Variants in SATB1 observed in about 807,000 individuals in gnomAD.
SATB1 encodes the protein DNA-binding protein SATB1.
In SATB1, 11 loss-of-function variants were observed where a neutral mutation model predicts 86.9. That is an observed-to-expected ratio of 0.13 (90% CI 0.08 to 0.21). The LOEUF (loss-of-function observed/expected upper bound fraction) is 0.21. SATB1 is among the 10% of genes least tolerant of loss of function. The probability of loss-of-function intolerance (pLI) is 1.00; values close to 1 mark genes in which losing one functional copy is unlikely to be tolerated. For synonymous variants in SATB1, 357 were observed against 357.2 expected (o/e 1.00, Z 0.01); for missense variants, 551 against 937.6 (o/e 0.59, Z 5.39).
chr3:18,417,552 A>G, intron 2 of SATB1: 2 of 632,324 alleles, frequency 3.2e-6, no homozygotes, highest in Non-Finnish European at 5.6e-6. Context: ...ATTATCTTCG[A>G]CCACGAAATT....
intron 5 of SATB1, among the ~76,000 whole-genome samples, chr3:18,401,421 C>T (rs966809935): frequency 1.3e-5 from 2 of 151,980 alleles, no homozygotes; most frequent in Non-Finnish European, 2.9e-5. Flanking sequence ...AAAATACATC[C>T]ACACAGATGT....
intron 8 of SATB1, among the ~76,000 whole-genome samples, chr3:18,380,621 A>C (rs1696004826): frequency 6.6e-6 from 1 of 152,154 alleles, no homozygotes; most frequent in African/African-American, 2.4e-5. Flanking sequence ...GTATCTCTGT[A>C]CTACTCATTT....
intron 5 of SATB1, among the ~76,000 whole-genome samples, chr3:18,405,437 T>A (rs1697477275): frequency 6.6e-6 from 1 of 151,942 alleles, no homozygotes; most frequent in Non-Finnish European, 1.5e-5. Flanking sequence ...AAAAAACCCT[T>A]AAACCACAGA....
Position 18,386,706 on chromosome 3 carries a change from T to TGAAC in SATB1, c.1207-99_1207-96dup. On this transcript the variant is annotated intron_variant, in intron 7 of 10. Coordinates refer to ENST00000338745, the MANE Select transcript of SATB1 (RefSeq NM_002971.6). The surrounding 1 kb of genome is among the most constrained non-coding windows in gnomAD (Gnocchi z 4.5). ...TTTCTTCTCCACTCTGTTTAGAAAA[T>TGAAC]GAACAGTCAGAGGCATTAATTCTGC... is the stretch of plus-strand genomic sequence containing the variant. 1 of 988,520 alleles carries TGAAC rather than the reference T, an allele frequency of 1.0e-6. No individual in the cohort carries two copies. The highest frequency in any genetic ancestry group is 1.6e-6 in the Non-Finnish European group (1 of 635,592). The allele number at this position is 988,520 out of a possible 1,614,324, so 61.2% of individuals were successfully genotyped here.
chr3:18,412,319 G>A (rs1697892539), intron 5 of SATB1, among the ~76,000 whole-genome samples: 1 of 152,028 alleles, frequency 6.6e-6, no homozygotes, highest in Admixed American at 6.6e-5. Context: ...CGTCCTAAGA[G>A]CATTGGAGGC....
upstream of SATB1, among the ~76,000 whole-genome samples, chr3:18,426,326 A>C (rs2125187705): frequency 6.6e-6 from 1 of 152,374 alleles, no homozygotes; most frequent in South Asian, 2.1e-4. This position sits in a 1 kb window ranked among gnomAD's most constrained non-coding sequence, Gnocchi z 4.2. Context: ...TACGTGGCCG[A>C]GTTAAACAAA....
intron 7 of SATB1, among the ~76,000 whole-genome samples, chr3:18,392,582 C>CACATATATATACACATATATAT (rs1696737025): frequency 1.3e-5 from 2 of 148,720 alleles, no homozygotes; most frequent in Non-Finnish European, 3.0e-5. Context: ...CATACACACA[C>CACATATATATACACATATATAT]ACATATATAT....
At chr3:18,387,576 G>A (rs568442146) in intron 7 of SATB1, among the ~76,000 whole-genome samples, 1 of 152,236 alleles carries the variant, frequency 6.6e-6, no homozygotes, top group Admixed American at 6.5e-5. Context: ...GAGACAATAT[G>A]AAATAAAAGA....
rs1163289944 is a variant in SATB1, at chr3:18,386,741, T to C, written c.1207-130A>G. ...GAGGCATTAATTCTGCATAGGAATA[T>C]ATTAGTTACAACTGAAGTGGTAGAG... On this transcript the variant is annotated intron_variant, in intron 7 of 10. Transcript: ENST00000338745. This position sits in a 1 kb window ranked among gnomAD's most constrained non-coding sequence, Gnocchi z 4.5. 3.0e-6 allele frequency: 2 copies of C among 676,382 alleles called. No homozygotes were observed. Among genetic ancestry groups the C allele is most frequent in the Non-Finnish European group, 5.1e-6 (2 of 395,984 alleles). The allele number at this position is 676,382 out of a possible 1,614,324, so 41.9% of individuals were successfully genotyped here. A position where few individuals can be genotyped will look rare whatever the true frequency, so the allele number is the denominator to read the frequency against.
chr3:18,351,269 CCTCT>C (rs773324030), intron 10 of SATB1: 2 of 1,483,072 alleles, frequency 1.3e-6, no homozygotes, highest in African/African-American at 1.4e-5. Flanking sequence ...TAGGTCACCC[CCTCT>C]CTGTGTCCCT....
chr3:18,421,843 T>G (rs1337035028), intron 1 of SATB1, among the ~76,000 whole-genome samples: 1 of 137,058 alleles, frequency 7.3e-6, no homozygotes, highest in Non-Finnish European at 1.6e-5. Context: ...CAAGCTCAAT[T>G]AAAAAAAAAA....
chr3:18,372,611 C>A (rs1377872402), intron 9 of SATB1, among the ~76,000 whole-genome samples: 3 of 152,014 alleles, frequency 2.0e-5, no homozygotes, highest in Non-Finnish European at 2.9e-5. Context: ...CCTAGATACA[C>A]TAAAACAAAC....
At chr3:18,420,246 T>C (rs1698314732) in intron 2 of SATB1, among the ~76,000 whole-genome samples, 1 of 152,152 alleles carries the variant, frequency 6.6e-6, no homozygotes, top group Admixed American at 6.5e-5. Context: ...AATAAAAAAC[T>C]AGAATCATCA....
Position 18,348,133 on chromosome 3 carries a change from AATTG to A in SATB1, c.*1033_*1036del, listed in dbSNP as rs1185349207. 4 of 152,660 alleles carry A rather than the reference AATTG, an allele frequency of 2.6e-5. No homozygotes were observed. The highest frequency in any genetic ancestry group is 6.5e-5 in the Admixed American group (1 of 15,286). The allele number at this position is 152,660 out of a possible 1,614,324, so 9.5% of individuals were successfully genotyped here. A position where few individuals can be genotyped will look rare whatever the true frequency, so the allele number is the denominator to read the frequency against. ...AAATTTTATACAGATGTAGCTTTAA[AATTG>A]ATTGTAAACCAAAGGAAGACACATT... On this transcript the variant is annotated 3_prime_UTR_variant, in exon 11 of 11. Coordinates refer to ENST00000338745, the MANE Select transcript of SATB1 (RefSeq NM_002971.6).
chr3:18,350,897 A>C, intron 10 of SATB1: 1 of 245,072 alleles, frequency 4.1e-6, no homozygotes, highest in Non-Finnish European at 8.1e-6. Context: ...AAATACAAAA[A>C]AATTGCAGAA....
At chr3:18,431,814 G>T (rs1012961845) in intron 2 of SATB1, among the ~76,000 whole-genome samples, 5 of 152,120 alleles carry the variant, frequency 3.3e-5, no homozygotes, top group Non-Finnish European at 7.3e-5. Flanking sequence ...ATAAAAGTGG[G>T]GGCAGGAAGC....
In SATB1 at chr3:18,348,450, G is replaced by A. The variant is rs936850373; in HGVS notation, c.*720C>T. 6.6e-6 allele frequency: 1 copy of A among 152,318 alleles called. No individual in the cohort carries two copies. Among genetic ancestry groups the A allele is most frequent in the African/African-American group, 2.4e-5 (1 of 41,362 alleles). The allele number at this position is 152,318 out of a possible 1,614,324, so 9.4% of individuals were successfully genotyped here. A position where few individuals can be genotyped will look rare whatever the true frequency, so the allele number is the denominator to read the frequency against. ...CAAGAGAAGCAATATTACATTTAAC[G>A]GAAACTTCCAAAAAATTAATTACAA... is the stretch of plus-strand genomic sequence containing the variant. On this transcript the variant is annotated 3_prime_UTR_variant, in exon 11 of 11. Transcript: ENST00000338745.
intron 7 of SATB1, among the ~76,000 whole-genome samples, chr3:18,393,522 C>T (rs1184302135): frequency 6.6e-6 from 1 of 152,120 alleles, no homozygotes; most frequent in Non-Finnish European, 1.5e-5. Context: ...ATCACTTTTT[C>T]TCCATGACCC....
chr3:18,406,275 AGACT>A (rs1262109142), intron 5 of SATB1, among the ~76,000 whole-genome samples: 1 of 152,006 alleles, frequency 6.6e-6, no homozygotes, highest in Admixed American at 6.6e-5. Context: ...TGCCAAATGT[AGACT>A]TTAGAACACA....
Sources: gnomAD v4.1 joint callset for allele counts (sites outside exome capture counted in the v4.1 genomes callset) on GRCh38, gnomAD v4.1.1 for gene constraint, Gnocchi (gnomAD v3.1) non-coding constraint, MANE v1.5 for transcripts, NCBI Gene and HGNC (gene_info 2026-07-23, HGNC 2026-07-21) for gene names.